RSRC1: variants seen among roughly 807,000 people sequenced by gnomAD.
RSRC1 encodes serine/Arginine-related protein 53.
A neutral mutation model predicts 49.1 loss-of-function variants in RSRC1; 39 were observed. That is an observed-to-expected ratio of 0.79 (90% confidence interval 0.61 to 1.04). The LOEUF (loss-of-function observed/expected upper bound fraction) is 1.04. Ranked by LOEUF, RSRC1 falls within the 50% of genes least tolerant of loss-of-function variation. The pLI is 0.00. For synonymous variants in RSRC1, 143 were observed against 130.8 expected, an observed-to-expected ratio of 1.09 and a Z score of -0.63; for missense variants, 388 against 402.4, an observed-to-expected ratio of 0.96 and a Z score of 0.31.
intron 3 of RSRC1, among the ~76,000 whole-genome samples, chr3:158,127,030 T>C (rs985681465): frequency 3.9e-5 from 6 of 152,166 alleles, no homozygotes; most frequent in Non-Finnish European, 8.8e-5. Flanking sequence ...ACGATTTACT[T>C]TTCTCTTGCT....
chr3:158,148,786 C>CT lies in RSRC1; in HGVS notation c.320+24809dup, dbSNP rs555372660. ...TTATACATTTGTATACGAATATATACTTTTTTTTTTTTTTGAGATGGAGTT... is the reference window on the plus strand; with the variant it reads ...TTATACATTTGTATACGAATATATACTTTTTTTTTTTTTTTGAGATGGAGTT... On this transcript the variant is annotated intron_variant, in intron 3 of 9. Coordinates refer to ENST00000611884, the MANE Select transcript of RSRC1 (RefSeq NM_001271838.2). Among the ~76,000 whole-genome samples, 285 of 145,462 alleles carry CT rather than the reference C, an allele frequency of 2.0e-3. 1 individual carries two copies. Among genetic ancestry groups the CT allele is most frequent in the East Asian group, 5.6e-3 (28 of 5,024 alleles).
chr3:158,167,024 G>A (rs1224439117), intron 3 of RSRC1, among the ~76,000 whole-genome samples: 1 of 152,068 alleles, frequency 6.6e-6, no homozygotes, highest in Non-Finnish European at 1.5e-5. Flanking sequence ...TAGTGGTTAG[G>A]ATAGAATTCC....
chr3:158,535,730 A>G (rs921457339), intron 7 of RSRC1, among the ~76,000 whole-genome samples: 1 of 151,452 alleles, frequency 6.6e-6, no homozygotes, highest in Non-Finnish European at 1.5e-5. Context: ...AAAATGAAGC[A>G]ATTGAAGCAT....
intron 4 of RSRC1, among the ~76,000 whole-genome samples, chr3:158,268,794 C>T (rs1365151291): frequency 6.6e-6 from 1 of 152,110 alleles, no homozygotes; most frequent in East Asian, 1.9e-4. Context: ...TTTAAAGATA[C>T]TGTGACTTGA....
At chr3:158,261,954 C>T (rs1338662759) in intron 4 of RSRC1, among the ~76,000 whole-genome samples, 1 of 152,188 alleles carries the variant, frequency 6.6e-6, no homozygotes, top group Non-Finnish European at 1.5e-5. Context: ...GAAACCGTAT[C>T]TTCTGCCACT....
intron 4 of RSRC1, among the ~76,000 whole-genome samples, chr3:158,224,139 G>A (rs943654180): frequency 6.6e-6 from 1 of 151,748 alleles, no homozygotes; most frequent in Non-Finnish European, 1.5e-5. Context: ...ACTGAAGTAA[G>A]ATTTATACAT....
intron 4 of RSRC1, among the ~76,000 whole-genome samples, chr3:158,217,208 A>G (rs1470388455): frequency 6.6e-6 from 1 of 151,698 alleles, no homozygotes; most frequent in Non-Finnish European, 1.5e-5. Context: ...CAAAGAGTCC[A>G]TGATATGACT....
intron 6 of RSRC1, among the ~76,000 whole-genome samples, chr3:158,378,877 T>A (rs1475024380): frequency 6.6e-6 from 1 of 152,198 alleles, no homozygotes; most frequent in Non-Finnish European, 1.5e-5. Flanking sequence ...CTGCCCTTTC[T>A]TCCAAGTTTC....
At chr3:158,286,403 G>A (rs1726561846) in intron 4 of RSRC1, among the ~76,000 whole-genome samples, 1 of 152,132 alleles carries the variant, frequency 6.6e-6, no homozygotes, top group African/African-American at 2.4e-5. Context: ...AAAATCATAA[G>A]TGTTAAATGA....
intron 3 of RSRC1, among the ~76,000 whole-genome samples, chr3:158,144,122 A>G (rs9884071): frequency 0.012 from 1,800 of 152,284 alleles, 29 homozygotes; most frequent in African/African-American, 0.042. Flanking sequence ...TTCTTTCAGA[A>G]ATAGAAATTT....
intron 3 of RSRC1, among the ~76,000 whole-genome samples, chr3:158,194,631 A>C (rs1367555731): frequency 6.7e-6 from 1 of 149,424 alleles, no homozygotes; most frequent in Admixed American, 6.7e-5. Flanking sequence ...ATATATCCTA[A>C]TGCTATCCCT....
chr3:158,311,548 T>A lies in RSRC1; in HGVS notation c.531+13473T>A, dbSNP rs939453962. 3.9e-5 allele frequency among the ~76,000 whole-genome samples: 6 copies of A among 151,906 alleles called. No homozygotes were observed. In the East Asian group the frequency reaches 1.2e-3, roughly 29 times the overall value. ...GAAACCTTGGGTGTTTTTTAAAAAA[T>A]ACAGCCCTCCCTACTCCCCTTTTCC... On this transcript the variant is annotated intron_variant, in intron 5 of 9. Coordinates refer to ENST00000611884, the MANE Select transcript of RSRC1 (RefSeq NM_001271838.2).
At chr3:158,544,050 G>T in intron 9 of RSRC1, 133 bp from the exon 10 acceptor site, 1 of 606,224 alleles carries the variant, frequency 1.6e-6, no homozygotes, top group East Asian at 2.8e-5. Context: ...CAATTAAGAG[G>T]TCATCAAGAG....
In RSRC1 at chr3:158,118,393, C is replaced by T. The variant is rs1444994065; in HGVS notation, c.-2-3710C>T. 2.0e-5 allele frequency among the ~76,000 whole-genome samples: 3 copies of T among 147,412 alleles called. No homozygotes were observed. The East Asian group carries it at 6.1e-4, about 30-fold the overall frequency. The stretch of plus-strand genomic sequence containing the variant: ...GTACTAGAGGCATGTGCCACCATGC[C>T]TAGCTAAGTACCTGGCCTTCTGTGT... On this transcript the variant is annotated intron_variant, in intron 1 of 9. Transcript: ENST00000611884.
At position 158,136,285 on chromosome 3, in the gene RSRC1, C is replaced by T. The variant is rs562799979; in HGVS notation, c.320+12294C>T. Among the ~76,000 whole-genome samples the T allele has an allele frequency of 2.0e-4, 30 of 152,178 alleles. No individual in the cohort carries two copies. In the South Asian group the frequency reaches 6.2e-3, roughly 32 times the overall value. ...TATTATTTAAATTATTTTAAAATAT[C>T]ATTTTTAAGTTTTTTAAAAAACTAA... On this transcript the variant is annotated intron_variant, in intron 3 of 9. Transcript: ENST00000611884.
chr3:158,495,104 A>G (rs939262995), intron 7 of RSRC1, among the ~76,000 whole-genome samples: 1 of 152,202 alleles, frequency 6.6e-6, no homozygotes, highest in Non-Finnish European at 1.5e-5. Context: ...TAGGGTAGCT[A>G]TGACATCACT....
At chr3:158,499,917 G>A (rs1180411306) in intron 7 of RSRC1, among the ~76,000 whole-genome samples, 1 of 152,166 alleles carries the variant, frequency 6.6e-6, no homozygotes, top group Non-Finnish European at 1.5e-5. Context: ...GAGGAGTGGT[G>A]AGAGTGGGCA....
rs1293756781 is a variant in RSRC1, at chr3:158,514,764, A to C, written c.653-22328A>C. 2.6e-5 allele frequency among the ~76,000 whole-genome samples: 4 copies of C among 152,204 alleles called. No homozygotes were observed. The East Asian group carries it at 7.7e-4, about 29-fold the overall frequency. ...TGTGTGGGAGTCTAAGTCTCTTTGT[A>C]GGTCACTCAGGACTTGCTTTATGAA... On this transcript the variant is annotated intron_variant, in intron 7 of 9. Transcript: ENST00000611884.
chr3:158,282,020 G>A (rs1431248660), intron 4 of RSRC1, among the ~76,000 whole-genome samples: 2 of 152,140 alleles, frequency 1.3e-5, no homozygotes, highest in East Asian at 3.8e-4. Flanking sequence ...CCTCATACTG[G>A]TACACATACT....
Sources: gnomAD v4.1 joint callset for allele counts (sites outside exome capture counted in the v4.1 genomes callset) on GRCh38, gnomAD v4.1.1 for gene constraint, MANE v1.5 for transcripts, NCBI Gene and HGNC (gene_info 2026-07-23, HGNC 2026-07-21) for gene names.